Variants in SPTBN5 observed in about 807,000 individuals in gnomAD.
SPTBN5 encodes spectrin beta, non-erythrocytic 5, also known as spectrin beta chain, non-erythrocytic 5.
In SPTBN5, 513 loss-of-function variants were observed where a neutral mutation model predicts 477.6. The observed-to-expected ratio is 1.07, with a 90% CI of 1.00 to 1.16. SPTBN5 has a LOEUF of 1.16. Ranked by LOEUF, SPTBN5 falls within the 50% of genes most tolerant of loss-of-function variation. The pLI, the probability that SPTBN5 is intolerant of heterozygous loss-of-function variation, is 0.00. For missense variants in SPTBN5, 5,062 were observed against 4,731.8 expected (o/e 1.07, Z -2.05); for synonymous variants, 2,169 against 2,011.7 (o/e 1.08, Z -2.09).
chr15:41,888,348 A>T (rs1171532760), intron 4 of SPTBN5, among the ~76,000 whole-genome samples: 1 of 152,240 alleles, frequency 6.6e-6, no homozygotes, highest in African/African-American at 2.4e-5. Context: ...GCTTTGTGTC[A>T]CCACAGGTGA....
At chr15:41,889,831 C>A (rs1042176635) in intron 4 of SPTBN5, among the ~76,000 whole-genome samples, 1 of 152,218 alleles carries the variant, frequency 6.6e-6, no homozygotes, top group Non-Finnish European at 1.5e-5. Flanking sequence ...CTGAACCCCC[C>A]ACTAGTGAAT....
At position 41,854,215 on chromosome 15, in the gene SPTBN5, G is replaced by A. The variant is rs1420981872; in HGVS notation, c.9619-10C>T. 2.5e-6 allele frequency: 4 copies of A among 1,589,928 alleles called. No homozygotes were observed. Among genetic ancestry groups the A allele is most frequent in the Non-Finnish European group, 3.4e-6 (4 of 1,168,420 alleles). On this transcript the variant is annotated splice_polypyrimidine_tract_variant and intron_variant, in intron 56 of 67. Transcript: ENST00000320955. Reference sequence around the variant, plus strand: ...GGGCTGCAGCCAAGTTCTGGGAGAGGAGAAAGGACCTGCTCAGGGCTGTTC... The same window carrying A: ...GGGCTGCAGCCAAGTTCTGGGAGAGAAGAAAGGACCTGCTCAGGGCTGTTC...
In SPTBN5 at chr15:41,870,342, C is replaced by CG; in HGVS notation, c.5573dup (p.Ser1859GlufsTer96). 6.4e-7 allele frequency: 1 copy of CG among 1,572,938 alleles called. No individual in the cohort carries two copies. The highest frequency in any genetic ancestry group is 8.6e-7 in the Non-Finnish European group (1 of 1,159,488). ...CCCGTGCCACATTGTTGGGGAGGCT[C>CG]GTGGCTTTCTCCTGAGGAAGGGAGA... On this transcript the variant is annotated frameshift_variant, in exon 31 of 68. Transcript: ENST00000320955. LOFTEE classifies it high-confidence loss of function.
chr15:41,856,840 G>A lies in SPTBN5; in HGVS notation c.8808+13C>T. On this transcript the variant is annotated intron_variant, in intron 52 of 67. Coordinates refer to ENST00000320955, the MANE Select transcript of SPTBN5 (RefSeq NM_016642.4). ...TCATGTGCGAGGCCAGCCCTCCCCG[G>A]GTGGGCCCACACCTGGTGCTGCTCC... 1 of 1,536,976 alleles carries A rather than the reference G, an allele frequency of 6.5e-7. No individual in the cohort carries two copies. Among genetic ancestry groups the A allele is most frequent in the Non-Finnish European group, 8.8e-7 (1 of 1,136,744 alleles).
Position 41,886,026 on chromosome 15 carries a change from C to T in SPTBN5, c.1229G>A (p.Arg410Lys). ...WAGLEWAEAA[R>K]SQALQQRLLQ... ...TAGCCTCTGCTGCAGGGCCTGGCTC[C>T]TTGCAGCCTCTGCCCACTCCAGCCC... Residue 410 changes from arginine to lysine, a missense_variant, in exon 7 of 68, where the codon AGG (arginine) becomes AAG (lysine). Arg to Lys is a conservative substitution (Grantham distance 26). Transcript: ENST00000320955. 1 of 1,560,004 alleles carries T rather than the reference C, an allele frequency of 6.4e-7. No homozygotes were observed. The highest frequency in any genetic ancestry group is 1.2e-5 in the South Asian group (1 of 84,802).
intron 67 of SPTBN5, 144 bp downstream of exon 67, chr15:41,849,725 G>A: frequency 3.1e-6 from 2 of 650,608 alleles, no homozygotes; most frequent in Non-Finnish European, 2.7e-6. Context: ...GAGTGGGCAG[G>A]GGCAGCTGAG....
chr15:41,862,342 C>T (rs764777802), intron 43 of SPTBN5, 50 bp from the exon 44 acceptor site: 2 of 1,550,754 alleles, frequency 1.3e-6, no homozygotes, highest in Admixed American at 3.7e-5. Context: ...ACCCCTCTCC[C>T]CCATGCCCAC....
intron 6 of SPTBN5, among the ~76,000 whole-genome samples, chr15:41,886,648 G>T (rs1448355201): frequency 2.6e-5 from 4 of 152,108 alleles, no homozygotes; most frequent in Non-Finnish European, 5.9e-5. Context: ...GGCCCTTCAG[G>T]CTGCTGTTCT....
intron 52 of SPTBN5, 110 bp downstream of exon 52, chr15:41,856,743 A>C: frequency 1.5e-6 from 2 of 1,354,858 alleles, no homozygotes; most frequent in Non-Finnish European, 2.0e-6. Flanking sequence ...AGGGCATCCC[A>C]AAAGCCCCCA....
At position 41,853,824 on chromosome 15, in the gene SPTBN5, C is replaced by T. The variant is rs1027465766; in HGVS notation, c.9775-37G>A. ...GCATGAGATCAGGCCTCAGTCCCCC[C>T]ACTGAGCCGATGCGTGCTCTGCATT... On this transcript the variant is annotated intron_variant, in intron 57 of 67. Transcript: ENST00000320955. 6 of 1,514,674 alleles carry T rather than the reference C, an allele frequency of 4.0e-6. No homozygotes were observed. The East Asian group carries it at 9.9e-5, about 25-fold the overall frequency. 93.8% of individuals were successfully genotyped at this position (1,514,674 alleles called of 1,614,324 possible).
Position 41,874,060 on chromosome 15 carries a change from C to T in SPTBN5, c.4690-15G>A, listed in dbSNP as rs763291651. 6.3e-7 allele frequency: 1 copy of T among 1,575,958 alleles called. No individual in the cohort carries two copies. Among genetic ancestry groups the T allele is most frequent in the African/African-American group, 1.3e-5 (1 of 74,370 alleles). On this transcript the variant is annotated splice_polypyrimidine_tract_variant and intron_variant, in intron 24 of 67. Coordinates refer to ENST00000320955, the MANE Select transcript of SPTBN5 (RefSeq NM_016642.4). ...ACCTGGAGCTCCTGCCACAGAGTGG[C>T]TTGAGAGGCTGCTGCTCTTAACCCA...
intron 47 of SPTBN5, among the ~76,000 whole-genome samples, chr15:41,859,558 T>G (rs1333109100): frequency 6.6e-6 from 1 of 152,004 alleles, no homozygotes; most frequent in Non-Finnish European, 1.5e-5. Context: ...GTCATATGGG[T>G]GGGTCCTAAT....
chr15:41,880,271 AC>A lies in SPTBN5; in HGVS notation c.2699del (p.Gly900ValfsTer61), dbSNP rs2066903401. 1 of 1,607,616 alleles carries A rather than the reference AC, an allele frequency of 6.2e-7. No individual in the cohort carries two copies. Among genetic ancestry groups the A allele is most frequent in the African/African-American group, 1.3e-5 (1 of 74,950 alleles). On this transcript the variant is annotated frameshift_variant, in exon 14 of 68. Transcript: ENST00000320955. LOFTEE classifies it high-confidence loss of function. ...ARLEEAMALF[G>X]FCSSCGELQL... Reference sequence around the variant, plus strand: ...GGAGCTCCCCACAGGAACTGCAGAAACCGAACAGGGCCATGGCCTCCTCCAA... The same window carrying A: ...GGAGCTCCCCACAGGAACTGCAGAAACGAACAGGGCCATGGCCTCCTCCAA...
In SPTBN5 at chr15:41,893,449, G is replaced by A. The variant is rs1046178946; in HGVS notation, c.49C>T (p.His17Tyr). Reference sequence around the variant, plus strand: ...TCTGTGCTGGGCCTCCTGCTGCGGTGCCCTGCAGCCCCGAGGAGCTCCCGG... The same window carrying A: ...TCTGTGCTGGGCCTCCTGCTGCGGTACCCTGCAGCCCCGAGGAGCTCCCGG... ...SPRELLGAAG[H>Y]RSRRPSTELR... is the part of the protein sequence containing the mutation. The change falls in exon 2 of 68, where the codon CAC becomes TAC. Residue 17 changes from histidine (H) to tyrosine (Y), a missense_variant. Transcript: ENST00000320955. The A allele has an allele frequency of 1.9e-6, 3 of 1,609,182 alleles. No individual in the cohort carries two copies. The highest frequency in any genetic ancestry group is 1.3e-5 in the African/African-American group (1 of 74,924).
intron 66 of SPTBN5, chr15:41,850,194 C>G (rs1008710): frequency 0.2 from 107,343 of 529,934 alleles, 11,889 homozygotes; most frequent in African/African-American, 0.32. Context: ...AAGGCTGAGC[C>G]TTTCTTAGGA....
rs750201166 is a variant in SPTBN5 at position 41,858,715 on chromosome 15, C to T, written c.8113G>A (p.Ala2705Thr). The T allele has an allele frequency of 1.2e-5, 19 of 1,609,648 alleles. No homozygotes were observed. In the South Asian group the frequency reaches 1.9e-4, roughly 16 times the overall value. ...GTGTCCAGCAAACCCTCCTCCAAGGCCACCAGGTTCTTCTCCCTCAGCCAC... is the reference window on the plus strand; with the variant it reads ...GTGTCCAGCAAACCCTCCTCCAAGGTCACCAGGTTCTTCTCCCTCAGCCAC... ...AAWLREKNLVALEEGLLDTAM... is the reference protein window; with the variant it reads ...AAWLREKNLVTLEEGLLDTAM... Residue 2705 changes from alanine (A) to threonine (T), a missense_variant, in exon 49 of 68, where the codon GCC becomes ACC. Transcript: ENST00000320955.
intron 20 of SPTBN5, 109 bp from the exon 21 acceptor site, chr15:41,876,393 A>G (rs968249240): frequency 3.5e-6 from 5 of 1,417,540 alleles, no homozygotes; most frequent in Non-Finnish European, 4.7e-6. Context: ...CCTCCTCAGG[A>G]AAAACCTGAG....
chr15:41,858,795 C>T, intron 48 of SPTBN5, 47 bp from the exon 49 acceptor site: 1 of 1,581,244 alleles, frequency 6.3e-7, no homozygotes, highest in Non-Finnish European at 8.6e-7. Context: ...CTTTCCCCTT[C>T]CCCTGACCTC....
chr15:41,857,609 G>T lies in SPTBN5; in HGVS notation c.8328C>A (p.Ser2776=), dbSNP rs767233362. The change falls in exon 50 of 68, where the codon TCC becomes TCA. Residue 2776 remains serine, a synonymous_variant. Transcript: ENST00000320955. ...GALWGELQDN[S]QKKVAKLQKA... ...TCTGGAGCTTGGCCACCTTCTTCTG[G>T]GAGTTGTCTTGCAGCTCACCCCAGA... is the stretch of plus-strand genomic sequence containing the variant. The T allele has an allele frequency of 1.2e-6, 2 of 1,608,224 alleles. No individual in the cohort carries two copies. Among genetic ancestry groups the T allele is most frequent in the African/African-American group, 2.7e-5 (2 of 74,876 alleles).
Sources: allele counts gnomAD v4.1 joint callset (sites outside exome capture counted in the v4.1 genomes callset), GRCh38; gene constraint gnomAD v4.1.1; transcripts MANE v1.5; gene names NCBI Gene and HGNC (gene_info 2026-07-23, HGNC 2026-07-21).